The following LAMC1 variants were observed in gnomAD, a reference collection of about 807,000 sequenced individuals.
LAMC1 encodes the protein laminin subunit gamma 1.
In LAMC1, 38 loss-of-function variants were observed where a neutral mutation model predicts 173.6. That is an observed-to-expected ratio of 0.22 (90% CI 0.17 to 0.29). LAMC1 has a LOEUF of 0.29. Among genes scored for constraint, LAMC1 ranks in the 10% least tolerant of loss-of-function variants. The probability of loss-of-function intolerance (pLI) is 1.00; values close to 1 mark genes in which losing one functional copy is unlikely to be tolerated. For synonymous variants in LAMC1, 746 were observed against 749.1 expected, an observed-to-expected ratio of 1.00 and a Z score of 0.07; for missense variants, 1,824 against 2,051.8, an observed-to-expected ratio of 0.89 and a Z score of 2.14.
rs1656647579 is a variant in LAMC1, at chr1:183,127,328, A to G, written c.3047A>G (p.Glu1016Gly). The change falls in exon 17 of 28, where the codon GAA becomes GGA. Residue 1016 changes from glutamate (E) to glycine (G), a missense_variant. Physicochemically the swap from Glu to Gly is moderately conservative, Grantham distance 98. Coordinates refer to ENST00000258341, the MANE Select transcript of LAMC1 (RefSeq NM_002293.4). Reference sequence around the variant, plus strand: ...GTGGGAAATCGCTGTGACCAGTGTGAAGAAAACTATTTCTACAATCGGTCT... The same window carrying G: ...GTGGGAAATCGCTGTGACCAGTGTGGAGAAAACTATTTCTACAATCGGTCT... ...GFVGNRCDQC[E>G]ENYFYNRSWP... 4 of 1,614,140 alleles carry G rather than the reference A, an allele frequency of 2.5e-6. No individual in the cohort carries two copies. The highest frequency in any genetic ancestry group is 2.5e-6 in the Non-Finnish European group (3 of 1,179,978).
rs769678017 is a variant in LAMC1, at chr1:183,122,088, G to A, written c.2238G>A (p.Thr746=). ...ETGVCNCRDN[T]AGPHCEKCSD... ...GTGTTTGTAACTGCAGAGACAATAC[G>A]GCTGGCCCGCACTGTGAGAAGTGCA... is the stretch of plus-strand genomic sequence containing the variant. The change falls in exon 13 of 28, where the codon ACG becomes ACA. Residue 746 remains threonine, a synonymous_variant. Transcript: ENST00000258341. 1.4e-5 allele frequency: 23 copies of A among 1,613,994 alleles called. No individual in the cohort carries two copies. The highest frequency in any genetic ancestry group is 6.7e-5 in the Admixed American group (4 of 60,024).
Position 183,127,288 on chromosome 1 carries a change from T to C in LAMC1, c.3007T>C (p.Cys1003Arg). Residue 1003 changes from cysteine (C) to arginine (R), a missense_variant, in exon 17 of 28, where the codon TGC becomes CGC. Physicochemically the swap from Cys to Arg is radical, Grantham distance 180. Transcript: ENST00000258341. Reference protein sequence around the residue: ...LQCKDDGRCECREGFVGNRCD... With the variant: ...LQCKDDGRCERREGFVGNRCD... ...GTGCAAAGATGATGGTCGCTGTGAA[T>C]GCAGAGAAGGCTTTGTGGGAAATCG... 6.2e-7 allele frequency: 1 copy of C among 1,614,220 alleles called. No homozygotes were observed. The highest frequency in any genetic ancestry group is 8.5e-7 in the Non-Finnish European group (1 of 1,180,038).
Position 183,062,095 on chromosome 1 carries a change from G to T in LAMC1, c.418+37961G>T, listed in dbSNP as rs1654757164. Among the ~76,000 whole-genome samples the T allele has an allele frequency of 5.3e-5, 8 of 152,326 alleles. No individual in the cohort carries two copies. In the South Asian group the frequency reaches 1.7e-3, roughly 32 times the overall value. On this transcript the variant is annotated intron_variant, in intron 1 of 27. Coordinates refer to ENST00000258341, the MANE Select transcript of LAMC1 (RefSeq NM_002293.4). ...ATAAAACAGGTAAGAATAGTGTTCA[G>T]TTATATACGTTTATTGTATTTGGTA...
At chr1:183,126,350 C>A in intron 16 of LAMC1, 88 bp downstream of exon 16, 1 of 1,382,676 alleles carries the variant, frequency 7.2e-7, no homozygotes, top group Non-Finnish European at 1.0e-6. Context: ...CAGCCTCAGT[C>A]TAGCCACTTG....
At position 183,105,582 on chromosome 1, in the gene LAMC1, T is replaced by C. The variant is rs148821017; in HGVS notation, c.723+1950T>C. On this transcript the variant is annotated intron_variant, in intron 2 of 27. Coordinates refer to ENST00000258341, the MANE Select transcript of LAMC1 (RefSeq NM_002293.4). ...TATGCCGTAGAAACTAGTGAGACTATATGAGGTAATGAGACTGTGTGGTAA... is the reference window on the plus strand; with the variant it reads ...TATGCCGTAGAAACTAGTGAGACTACATGAGGTAATGAGACTGTGTGGTAA... Among the ~76,000 whole-genome samples, 560 of 152,072 alleles carry C rather than the reference T, an allele frequency of 3.7e-3. 3 individuals are homozygous for C. Among genetic ancestry groups the C allele is most frequent in the African/African-American group, 0.013 (540 of 41,476 alleles).
chr1:183,124,484 A>C, intron 13 of LAMC1, 147 bp from the exon 14 acceptor site: 1 of 922,690 alleles, frequency 1.1e-6, no homozygotes, highest in Non-Finnish European at 1.7e-6. Context: ...GCCCCGTGCC[A>C]GGGCTGCAGC....
rs375755767 is a variant in LAMC1, at chr1:183,030,214, GAC to G, written c.418+6082_418+6083del. Among the ~76,000 whole-genome samples the G allele has an allele frequency of 2.6e-5, 4 of 152,258 alleles. 1 individual carries two copies. The highest frequency in any genetic ancestry group is 9.6e-5 in the African/African-American group (4 of 41,538). On this transcript the variant is annotated intron_variant, in intron 1 of 27. Coordinates refer to ENST00000258341, the MANE Select transcript of LAMC1 (RefSeq NM_002293.4). ...AATAAGGGCAGAGTTGAGTAATAGC[GAC>G]AGACTCCATATGTCCCAGCCCACAA...
chr1:183,113,402 T>A (rs1245273985), intron 4 of LAMC1, among the ~76,000 whole-genome samples: 1 of 36,874 alleles, frequency 2.7e-5, no homozygotes, highest in Non-Finnish European at 7.3e-5. Flanking sequence ...ATTCGAATAT[T>A]TTTTTTAAAC....
intron 19 of LAMC1, among the ~76,000 whole-genome samples, 172 bp from the exon 20 acceptor site, chr1:183,131,127 T>C (rs2102103379): frequency 6.9e-6 from 1 of 145,478 alleles, no homozygotes; most frequent in East Asian, 2.1e-4. Flanking sequence ...TGAACTGAAA[T>C]TGTGCCATTG....
intron 11 of LAMC1, among the ~76,000 whole-genome samples, chr1:183,120,129 G>A (rs537353946): frequency 1.5e-5 from 2 of 131,600 alleles, no homozygotes; most frequent in Non-Finnish European, 1.5e-5. Context: ...TGATCATGCC[G>A]TTGCACACCA....
chr1:183,046,265 T>C (rs1015996608), intron 1 of LAMC1, among the ~76,000 whole-genome samples: 40 of 151,992 alleles, frequency 2.6e-4, no homozygotes, highest in African/African-American at 8.4e-4. Context: ...GCTAGGACAA[T>C]TTCCTTTCCA....
chr1:183,137,855 T>C, intron 26 of LAMC1, 28 bp downstream of exon 26: 1 of 1,570,722 alleles, frequency 6.4e-7, no homozygotes, highest in Non-Finnish European at 8.6e-7. Context: ...ATTTGCTCAT[T>C]GGCAGAAAGT....
At chr1:183,124,602 T>C in intron 13 of LAMC1, 29 bp from the exon 14 acceptor site, 3 of 1,613,274 alleles carry the variant, frequency 1.9e-6, no homozygotes, top group Non-Finnish European at 2.5e-6. Flanking sequence ...AGGCCTTTCT[T>C]TCATAACATC....
At chr1:183,115,994 G>A (rs1656307625) in intron 6 of LAMC1, among the ~76,000 whole-genome samples, 1 of 152,118 alleles carries the variant, frequency 6.6e-6, no homozygotes, top group Non-Finnish European at 1.5e-5. Flanking sequence ...GCCAGGCGTG[G>A]TGGCGGGCAG....
At chr1:183,027,211 G>T (rs1353790651) in intron 1 of LAMC1, among the ~76,000 whole-genome samples, 1 of 152,104 alleles carries the variant, frequency 6.6e-6, no homozygotes, top group Non-Finnish European at 1.5e-5. Context: ...TGCATCCTCG[G>T]ATAAAAAGAG....
At chr1:183,077,772 T>TTG (rs796592939) in intron 1 of LAMC1, among the ~76,000 whole-genome samples, 1 of 78,388 alleles carries the variant, frequency 1.3e-5, no homozygotes, top group Non-Finnish European at 3.2e-5. Context: ...TTTATGGCCA[T>TTG]TGTGTATATA....
At chr1:183,097,553 A>G (rs1655724389) in intron 1 of LAMC1, among the ~76,000 whole-genome samples, 1 of 152,242 alleles carries the variant, frequency 6.6e-6, no homozygotes, top group Non-Finnish European at 1.5e-5. Context: ...AATTTTTCTG[A>G]GTAGCACATA....
chr1:183,069,300 CATGTTTA>C (rs1021949323), intron 1 of LAMC1, among the ~76,000 whole-genome samples: 35 of 152,258 alleles, frequency 2.3e-4, no homozygotes, highest in South Asian at 4.1e-4. Flanking sequence ...TGTGCTAATG[CATGTTTA>C]AAGTTAGACA....
chr1:183,028,505 G>C (rs545906750), intron 1 of LAMC1, among the ~76,000 whole-genome samples: 1 of 152,300 alleles, frequency 6.6e-6, no homozygotes, highest in South Asian at 2.1e-4. Context: ...TATCACTGAT[G>C]AGATTTCTCA....
Sources: gnomAD v4.1 joint callset for allele counts (sites outside exome capture counted in the v4.1 genomes callset) on GRCh38, gnomAD v4.1.1 for gene constraint, MANE v1.5 for transcripts, NCBI Gene and HGNC (gene_info 2026-07-23, HGNC 2026-07-21) for gene names.